Variants in DSCAM observed in about 807,000 individuals in gnomAD.
DSCAM encodes DS cell adhesion molecule.
Under a neutral mutation model 217.7 loss-of-function variants are expected in DSCAM, and 47 were observed. The ratio of observed to expected loss-of-function variants is 0.22; its 90% CI spans 0.17 to 0.28. The LOEUF is 0.28. DSCAM is among the 10% of genes least tolerant of loss of function. The probability of loss-of-function intolerance (pLI) is 1.00; values close to 1 mark genes in which losing one functional copy is unlikely to be tolerated. For missense variants in DSCAM, 2,080 were observed against 2,618.3 expected, an observed-to-expected ratio of 0.79 and a Z score of 4.49; for synonymous variants, 1,056 against 1,015.3, an observed-to-expected ratio of 1.04 and a Z score of -0.76.
intron 1 of DSCAM, among the ~76,000 whole-genome samples, chr21:40,735,731 C>T (rs990117072): frequency 2.1e-4 from 32 of 152,346 alleles, no homozygotes; most frequent in African/African-American, 6.5e-4. Flanking sequence ...GTGACAGAGT[C>T]ATGATTCAAA....
At chr21:40,475,860 A>G (rs2075930526) in intron 3 of DSCAM, among the ~76,000 whole-genome samples, 1 of 150,646 alleles carries the variant, frequency 6.6e-6, no homozygotes, top group Admixed American at 6.6e-5. Context: ...TAAAATTTAA[A>G]AAAAAACACA....
chr21:40,696,076 T>C (rs1014686699), intron 2 of DSCAM, among the ~76,000 whole-genome samples: 8 of 145,658 alleles, frequency 5.5e-5, no homozygotes, highest in Admixed American at 2.0e-4. Context: ...AAACCTGAGA[T>C]GCAGGCAAAA....
chr21:40,573,962 T>C (rs2076828904), intron 3 of DSCAM, among the ~76,000 whole-genome samples: 1 of 151,946 alleles, frequency 6.6e-6, no homozygotes, highest in Non-Finnish European at 1.5e-5. Flanking sequence ...CTAATACCTG[T>C]TACAGAAATG....
chr21:40,271,144 C>T (rs553161089), intron 11 of DSCAM, among the ~76,000 whole-genome samples: 2 of 152,314 alleles, frequency 1.3e-5, no homozygotes, highest in South Asian at 4.1e-4. Context: ...TGCATTCTGA[C>T]AGTACAGAAA....
chr21:40,233,187 A>T (rs1031591219), intron 11 of DSCAM, among the ~76,000 whole-genome samples: 6 of 152,248 alleles, frequency 3.9e-5, no homozygotes, highest in South Asian at 2.1e-4. Context: ...AGTTTTTTTT[A>T]AAATCCCTTA....
intron 3 of DSCAM, among the ~76,000 whole-genome samples, chr21:40,414,018 A>T (rs1431265098): frequency 2.6e-5 from 4 of 152,232 alleles, no homozygotes; most frequent in African/African-American, 9.6e-5. Context: ...TGAAACTGTA[A>T]TATTTCTGGA....
intron 3 of DSCAM, among the ~76,000 whole-genome samples, chr21:40,629,041 TTGTGTGTGTA>T (rs1245403222): frequency 1.4e-4 from 22 of 151,964 alleles, no homozygotes; most frequent in African/African-American, 5.1e-4. Context: ...ATCTATCTTT[TTGTGTGTGTA>T]TGTGTGTGTA....
intron 3 of DSCAM, among the ~76,000 whole-genome samples, chr21:40,498,693 A>AGG (rs2076142523): frequency 1.5e-4 from 1 of 6,544 alleles, no homozygotes; most frequent in African/African-American, 1.1e-3. Flanking sequence ...ATATATATAT[A>AGG]TATAGATATA....
intron 3 of DSCAM, among the ~76,000 whole-genome samples, chr21:40,490,225 C>T (rs1055809180): frequency 6.6e-6 from 1 of 152,146 alleles, no homozygotes; most frequent in African/African-American, 2.4e-5. Context: ...CCTCCCATGA[C>T]ACGTGGGAAT....
chr21:40,229,931 CTA>C (rs1332781808), intron 11 of DSCAM, among the ~76,000 whole-genome samples: 2 of 152,246 alleles, frequency 1.3e-5, no homozygotes, highest in African/African-American at 4.8e-5. Flanking sequence ...CGAGCTGGCT[CTA>C]TACTTCTGCA....
At chr21:40,691,371 C>T (rs377637939) in intron 3 of DSCAM, among the ~76,000 whole-genome samples, 5 of 152,148 alleles carry the variant, frequency 3.3e-5, no homozygotes, top group Non-Finnish European at 7.3e-5. Flanking sequence ...TCACCGAGTC[C>T]GGAAGATTGA....
At chr21:40,704,127 G>A (rs2090686578) in intron 2 of DSCAM, among the ~76,000 whole-genome samples, 1 of 152,028 alleles carries the variant, frequency 6.6e-6, no homozygotes, top group South Asian at 2.1e-4. Context: ...CACCATTACA[G>A]TATCATACAG....
At chr21:40,328,625 G>A (rs1178498653) in intron 8 of DSCAM, among the ~76,000 whole-genome samples, 1 of 151,970 alleles carries the variant, frequency 6.6e-6, no homozygotes, top group Non-Finnish European at 1.5e-5. Context: ...CGCAAAAATA[G>A]AACAATGGGA....
At chr21:40,294,118 G>A (rs930186368) in intron 10 of DSCAM, among the ~76,000 whole-genome samples, 1 of 152,116 alleles carries the variant, frequency 6.6e-6, no homozygotes, top group African/African-American at 2.4e-5. Flanking sequence ...TATTGGATAT[G>A]AAATTTAAAG....
In DSCAM at chr21:40,753,011, C is replaced by T. The variant is rs561825487; in HGVS notation, c.44-44240G>A. Among the ~76,000 whole-genome samples the T allele has an allele frequency of 1.9e-4, 29 of 152,324 alleles. 2 individuals carry two copies. The South Asian group carries it at 5.6e-3, about 29-fold the overall frequency. ...GTCACGTGGCCTGCACCTGAATCTA[C>T]ACAACAGGCCCCTCAGCCTCCACCA... is the stretch of plus-strand genomic sequence containing the variant. On this transcript the variant is annotated intron_variant, in intron 1 of 32. Transcript: ENST00000400454.
intron 10 of DSCAM, among the ~76,000 whole-genome samples, chr21:40,282,315 C>T (rs1020131204): frequency 5.3e-5 from 8 of 151,894 alleles, no homozygotes; most frequent in Non-Finnish European, 1.0e-4. Flanking sequence ...AGGCCGGGCG[C>T]GGTGGCTCAC....
chr21:40,544,303 A>C (rs2076564557), intron 3 of DSCAM, among the ~76,000 whole-genome samples: 1 of 152,232 alleles, frequency 6.6e-6, no homozygotes, highest in South Asian at 2.1e-4. Flanking sequence ...ACTTCACATG[A>C]ATAGCAGCTG....
chr21:40,633,996 T>G (rs2089724191), intron 3 of DSCAM, among the ~76,000 whole-genome samples: 1 of 152,118 alleles, frequency 6.6e-6, no homozygotes, highest in Non-Finnish European at 1.5e-5. Context: ...TTTCTTATTC[T>G]CGACCCAGGA....
At chr21:40,686,989 A>G (rs2090486276) in intron 3 of DSCAM, among the ~76,000 whole-genome samples, 2 of 152,242 alleles carry the variant, frequency 1.3e-5, no homozygotes, top group South Asian at 4.1e-4. Flanking sequence ...TCCCAAAAAT[A>G]TAGCATGGTA....
Sources: gnomAD v4.1 joint callset for allele counts (sites outside exome capture counted in the v4.1 genomes callset) on GRCh38, gnomAD v4.1.1 for gene constraint, MANE v1.5 for transcripts, NCBI Gene and HGNC (gene_info 2026-07-23, HGNC 2026-07-21) for gene names.